The following BTD variants were observed in gnomAD, a reference collection of about 807,000 sequenced individuals.
BTD encodes biotinidase.
A neutral mutation model predicts 17.7 loss-of-function variants in BTD; 13 were observed. The observed-to-expected ratio is 0.74, with a 90% CI of 0.48 to 1.17. BTD has a LOEUF of 1.17. Among genes scored for constraint, BTD ranks in the 50% most tolerant of loss-of-function variants. The probability of loss-of-function intolerance (pLI) is 0.00; values close to 1 mark genes in which losing one functional copy is unlikely to be tolerated. For missense variants in BTD, 674 were observed against 650.4 expected (o/e 1.04, Z -0.39); for synonymous variants, 240 against 245.2 (o/e 0.98, Z 0.20).
intron 1 of BTD, among the ~76,000 whole-genome samples, chr3:15,617,235 A>G (rs1441001146): frequency 2.0e-5 from 3 of 152,192 alleles, no homozygotes; most frequent in African/African-American, 7.2e-5. Context: ...ATCTTTTGCA[A>G]ATATTTTCTC....
Position 15,645,593 on chromosome 3 carries a change from G to T in BTD, c.*105G>T. 1 of 1,343,674 alleles carries T rather than the reference G, an allele frequency of 7.4e-7. No homozygotes were observed. Among genetic ancestry groups the T allele is most frequent in the Non-Finnish European group, 1.0e-6 (1 of 979,258 alleles). 83.2% of individuals were successfully genotyped at this position (1,343,674 alleles called of 1,614,324 possible). ...CCATCTTTCTGCCTTAAGGGCAGGAGCCCACTTCTGTGGCACCAGATTCCA... is the reference window on the plus strand; with the variant it reads ...CCATCTTTCTGCCTTAAGGGCAGGATCCCACTTCTGTGGCACCAGATTCCA... On this transcript the variant is annotated 3_prime_UTR_variant, in exon 4 of 4. Transcript: ENST00000643237.
chr3:15,633,282 G>A (rs1489449396), intron 1 of BTD, among the ~76,000 whole-genome samples: 1 of 151,970 alleles, frequency 6.6e-6, no homozygotes, highest in Non-Finnish European at 1.5e-5. Context: ...ACTGAGGGCC[G>A]GCTGACTAGA....
chr3:15,706,121 A>G (rs953018529), intron 3 of BTD, among the ~76,000 whole-genome samples: 1 of 151,760 alleles, frequency 6.6e-6, no homozygotes, highest in Admixed American at 6.6e-5. Flanking sequence ...ACTTTGTTCT[A>G]GAGTACCTGT....
downstream of BTD, among the ~76,000 whole-genome samples, chr3:15,657,020 C>T (rs997134654): frequency 6.6e-6 from 1 of 152,200 alleles, no homozygotes; most frequent in Non-Finnish European, 1.5e-5. Context: ...GTCCCTGGCA[C>T]ATTGACAGGG....
At position 15,612,917 on chromosome 3, in the gene BTD, C is replaced by T. The variant is rs185861033; in HGVS notation, c.-17+11023C>T. ...AGGCTGAGTTTTCTTCCAAATTCAA[C>T]TGATCGTTGAAAGAATGAATTTCCT... On this transcript the variant is annotated intron_variant, in intron 1 of 3. Coordinates refer to ENST00000643237, the MANE Select transcript of BTD (RefSeq NM_001370658.1). Among the ~76,000 whole-genome samples the T allele has an allele frequency of 2.0e-5, 3 of 152,286 alleles. No homozygotes were observed. In the East Asian group the frequency reaches 5.8e-4, roughly 29 times the overall value.
rs1339323426 is a variant in BTD, at chr3:15,687,722, G to C, written c.400-22338G>C. Among the ~76,000 whole-genome samples the C allele has an allele frequency of 2.6e-5, 4 of 152,252 alleles. No homozygotes were observed. In the East Asian group the frequency reaches 5.8e-4, roughly 22 times the overall value. ...TCTCCTACCCTAGTCCAATCTGTAT[G>C]CTGCACTCTGCCAGCAGCTCTCACA... On this transcript the variant is annotated intron_variant, in intron 3 of 3. Transcript: ENST00000672141.
chr3:15,718,564 G>C (rs1489448317), intron 4 of BTD, among the ~76,000 whole-genome samples: 2 of 152,008 alleles, frequency 1.3e-5, no homozygotes, highest in Admixed American at 6.6e-5. Flanking sequence ...CACCTAAGTA[G>C]ACACTAACAG....
At chr3:15,640,926 A>G (rs187480880) in intron 2 of BTD, among the ~76,000 whole-genome samples, 495 of 152,324 alleles carry the variant, frequency 3.2e-3, no homozygotes, top group Admixed American at 6.5e-3. Flanking sequence ...AAAGTTTGCA[A>G]TGCATTCCAG....
downstream of BTD, among the ~76,000 whole-genome samples, chr3:15,717,758 T>G (rs1179261731): frequency 6.6e-6 from 1 of 152,196 alleles, no homozygotes; most frequent in Non-Finnish European, 1.5e-5. Context: ...ATCAGTGCAG[T>G]AAGGCTCATG....
intron 2 of BTD, among the ~76,000 whole-genome samples, chr3:15,640,568 T>C (rs1470816826): frequency 2.0e-5 from 3 of 152,048 alleles, no homozygotes; most frequent in Non-Finnish European, 2.9e-5. Context: ...TTTTTGTATT[T>C]TTAGTAGAGA....
At chr3:15,618,676 C>T (rs1343988306) in intron 1 of BTD, among the ~76,000 whole-genome samples, 1 of 152,104 alleles carries the variant, frequency 6.6e-6, no homozygotes, top group East Asian at 1.9e-4. Flanking sequence ...CAGACGCCTG[C>T]CACCACACCT....
At chr3:15,714,429 T>C, downstream of BTD, 1 of 625,278 alleles carries the variant, frequency 1.6e-6, no homozygotes, top group Non-Finnish European at 2.7e-6. Flanking sequence ...TACTCTTTAA[T>C]ATTTTATTTT....
At chr3:15,636,068 G>T (rs1160366415) in intron 2 of BTD, among the ~76,000 whole-genome samples, 1 of 152,154 alleles carries the variant, frequency 6.6e-6, no homozygotes, top group Non-Finnish European at 1.5e-5. Flanking sequence ...CACTATGGCT[G>T]CCCGGGTCCT....
At chr3:15,695,685 C>A (rs1685522897) in intron 3 of BTD, among the ~76,000 whole-genome samples, 1 of 152,044 alleles carries the variant, frequency 6.6e-6, no homozygotes, top group African/African-American at 2.4e-5. Context: ...CAGAATCAGA[C>A]CACAGCAGAA....
At chr3:15,718,095 TA>T (rs2073283472) in intron 4 of BTD, among the ~76,000 whole-genome samples, 4 of 152,166 alleles carry the variant, frequency 2.6e-5, no homozygotes, top group Admixed American at 2.6e-4. Context: ...TTACAAATTA[TA>T]AAAAATACAG....
At chr3:15,657,715 T>A (rs889985816), downstream of BTD, among the ~76,000 whole-genome samples, 3 of 152,052 alleles carry the variant, frequency 2.0e-5, no homozygotes, top group Non-Finnish European at 4.4e-5. Flanking sequence ...CTCAGAAGAT[T>A]GTGCCTATGG....
chr3:15,603,007 C>T (rs1003658563), intron 1 of BTD, among the ~76,000 whole-genome samples: 4 of 152,096 alleles, frequency 2.6e-5, no homozygotes, highest in South Asian at 2.1e-4. Context: ...GGCAAGAGAG[C>T]GTGTGCAGGG....
chr3:15,718,087 A>G (rs1294809558), intron 4 of BTD, among the ~76,000 whole-genome samples: 1 of 152,230 alleles, frequency 6.6e-6, no homozygotes, highest in Non-Finnish European at 1.5e-5. Context: ...CACCGATTTT[A>G]CAAATTATAA....
intron 1 of BTD, chr3:15,630,147 C>A: frequency 1.1e-6 from 1 of 905,290 alleles, no homozygotes; most frequent in Non-Finnish European, 1.3e-6. Flanking sequence ...TTTCATGAAA[C>A]TCAAATCTTG....
Sources: gnomAD v4.1 joint callset for allele counts (sites outside exome capture counted in the v4.1 genomes callset) on GRCh38, gnomAD v4.1.1 for gene constraint, MANE v1.5 for transcripts, NCBI Gene and HGNC (gene_info 2026-07-23, HGNC 2026-07-21) for gene names.